THSD7A: variants seen among roughly 807,000 people sequenced by gnomAD.
THSD7A encodes the protein thrombospondin type-1 domain-containing protein 7A.
A neutral mutation model predicts 231.3 loss-of-function variants in THSD7A; 96 were observed. That is an observed-to-expected ratio of 0.41 (90% CI 0.35 to 0.49). THSD7A has a LOEUF of 0.49. Among genes scored for constraint, THSD7A ranks in the 20% least tolerant of loss-of-function variants. THSD7A has a pLI of 0.05. For missense variants in THSD7A, 2,290 were observed against 2,070.2 expected (o/e 1.11, Z -2.06); for synonymous variants, 940 against 743.3 (o/e 1.26, Z -4.30).
intron 4 of THSD7A, among the ~76,000 whole-genome samples, chr7:11,545,129 T>C (rs1441434547): frequency 3.9e-5 from 6 of 152,182 alleles, no homozygotes; most frequent in Non-Finnish European, 2.9e-5. Flanking sequence ...GTCTATACTA[T>C]GTAGCAAATT....
At chr7:11,624,587 T>C (rs1781421037) in intron 2 of THSD7A, among the ~76,000 whole-genome samples, 1 of 152,252 alleles carries the variant, frequency 6.6e-6, no homozygotes, top group East Asian at 1.9e-4. Context: ...GGTCAAATTC[T>C]ACTGCCTTAT....
chr7:11,696,892 T>G (rs908743405), intron 1 of THSD7A, among the ~76,000 whole-genome samples: 3 of 151,452 alleles, frequency 2.0e-5, no homozygotes, highest in African/African-American at 7.3e-5. Context: ...AGTTCAGTTC[T>G]AACTGATTAT....
At chr7:11,564,194 A>C (rs1185727699) in intron 4 of THSD7A, among the ~76,000 whole-genome samples, 5 of 152,212 alleles carry the variant, frequency 3.3e-5, no homozygotes, top group Non-Finnish European at 7.3e-5. Flanking sequence ...CTGAAACCTG[A>C]AGAGCATTCC....
rs773071477 is a variant in THSD7A, at chr7:11,379,124, A to C, written c.4747T>G (p.Ser1583Ala). 12 of 1,613,478 alleles carry C rather than the reference A, an allele frequency of 7.4e-6. No individual in the cohort carries two copies. Among genetic ancestry groups the C allele is most frequent in the Middle Eastern group, 1.7e-4 (1 of 6,048 alleles). The change falls in exon 26 of 28, where the codon TCC becomes GCC. Residue 1583 changes from serine (S) to alanine (A), a missense_variant. Coordinates refer to ENST00000423059, the MANE Select transcript of THSD7A (RefSeq NM_015204.3). ...CTTCCCCGTCCTGCTGGGTTACTGGAGGGTTGGGTTGGATGTACAGCCCGA... is the reference window on the plus strand; with the variant it reads ...CTTCCCCGTCCTGCTGGGTTACTGGCGGGTTGGGTTGGATGTACAGCCCGA... ...TSRAVHPTQP[S>A]SNPAGRGRTW... is the part of the protein sequence containing the mutation.
chr7:11,418,967 T>C (rs750753063), intron 16 of THSD7A, among the ~76,000 whole-genome samples: 7 of 152,202 alleles, frequency 4.6e-5, no homozygotes, highest in Non-Finnish European at 1.0e-4. Context: ...GAAAAATTTC[T>C]ACCTTCAATA....
chr7:11,823,457 T>G (rs1368432270), intron 1 of THSD7A, among the ~76,000 whole-genome samples: 1 of 151,892 alleles, frequency 6.6e-6, no homozygotes, highest in Admixed American at 6.6e-5. Context: ...TGGCTCCATA[T>G]GAATTTTAGG....
intron 1 of THSD7A, among the ~76,000 whole-genome samples, chr7:11,655,826 T>C (rs1259506960): frequency 6.6e-6 from 1 of 151,942 alleles, no homozygotes. Flanking sequence ...TGATTTACAC[T>C]GTGCTGTGTA....
intron 6 of THSD7A, among the ~76,000 whole-genome samples, chr7:11,515,948 T>A (rs976007654): frequency 6.6e-6 from 1 of 152,206 alleles, no homozygotes; most frequent in Non-Finnish European, 1.5e-5. Flanking sequence ...CAAGTAGCAC[T>A]ATCAATCATG....
At chr7:11,433,469 C>T (rs547298346) in intron 13 of THSD7A, among the ~76,000 whole-genome samples, 11 of 151,832 alleles carry the variant, frequency 7.2e-5, no homozygotes, top group Non-Finnish European at 1.3e-4. Flanking sequence ...GCATTATGAC[C>T]AAATCATTTA....
chr7:11,552,676 G>T (rs1789680729), intron 4 of THSD7A, among the ~76,000 whole-genome samples: 1 of 152,190 alleles, frequency 6.6e-6, no homozygotes, highest in East Asian at 1.9e-4. Flanking sequence ...TGCAGTCATA[G>T]AAGCTGGTAG....
intron 1 of THSD7A, among the ~76,000 whole-genome samples, chr7:11,737,301 T>TG (rs140765081): frequency 0.19 from 29,375 of 151,654 alleles, 3,717 homozygotes; most frequent in African/African-American, 0.36. Flanking sequence ...TTATGTGTGG[T>TG]GGTGGTGAGG....
intron 1 of THSD7A, among the ~76,000 whole-genome samples, chr7:11,769,118 T>C (rs12699271): frequency 0.42 from 38,612 of 90,932 alleles, 8,540 homozygotes; most frequent in African/African-American, 0.46. Context: ...CCATAATTCC[T>C]GGCAATATAT....
intron 1 of THSD7A, among the ~76,000 whole-genome samples, chr7:11,644,316 A>G (rs1782202376): frequency 6.6e-6 from 1 of 151,972 alleles, no homozygotes; most frequent in South Asian, 2.1e-4. Flanking sequence ...ATTCAAAATT[A>G]TACTAATTGA....
rs201573266 is a variant in THSD7A, at chr7:11,813,749, A to G, written c.190+18008T>C. The stretch of plus-strand genomic sequence containing the variant: ...AATAATAATAATAATAATAATAATA[A>G]TAATAATAAGGCTCAGTTTGGCAGT... On this transcript the variant is annotated intron_variant, in intron 1 of 27. Transcript: ENST00000423059. Among the ~76,000 whole-genome samples the G allele has an allele frequency of 3.3e-5, 4 of 121,876 alleles. No homozygotes were observed. The East Asian group carries it at 9.9e-4, about 30-fold the overall frequency. 80.0% of individuals were successfully genotyped at this position (121,876 alleles called of 152,430 possible).
At chr7:11,692,706 C>G (rs1038885386) in intron 1 of THSD7A, among the ~76,000 whole-genome samples, 7 of 151,460 alleles carry the variant, frequency 4.6e-5, no homozygotes, top group Non-Finnish European at 1.5e-5. Context: ...TAAAAGACAA[C>G]AAGATTTCCT....
intron 23 of THSD7A, among the ~76,000 whole-genome samples, chr7:11,388,379 G>A (rs181254347): frequency 5.7e-4 from 87 of 151,594 alleles, no homozygotes; most frequent in African/African-American, 1.5e-3. Flanking sequence ...AGAACTTGTC[G>A]TCTATTCAGG....
At chr7:11,397,668 G>T (rs1783239950) in intron 23 of THSD7A, among the ~76,000 whole-genome samples, 1 of 152,134 alleles carries the variant, frequency 6.6e-6, no homozygotes. Flanking sequence ...CTGACAAGAG[G>T]CTAATATCCA....
intron 1 of THSD7A, among the ~76,000 whole-genome samples, chr7:11,792,906 A>G (rs1191417665): frequency 6.6e-6 from 1 of 152,020 alleles, no homozygotes; most frequent in African/African-American, 2.4e-5. Context: ...TTGCACAAAC[A>G]GGTGATGGGT....
intron 1 of THSD7A, among the ~76,000 whole-genome samples, chr7:11,754,576 T>G (rs1039230097): frequency 6.6e-6 from 1 of 152,144 alleles, no homozygotes; most frequent in Non-Finnish European, 1.5e-5. Context: ...AATGTACTTT[T>G]ATTTCTGCTT....
Sources: allele counts gnomAD v4.1 joint callset (sites outside exome capture counted in the v4.1 genomes callset), GRCh38; gene constraint gnomAD v4.1.1; transcripts MANE v1.5; gene names NCBI Gene and HGNC (gene_info 2026-07-23, HGNC 2026-07-21).